Variants in MYO1H observed in about 807,000 individuals in gnomAD.
MYO1H encodes the protein myosin IH.
In MYO1H, 118 loss-of-function variants were observed where a neutral mutation model predicts 149.3. That is an observed-to-expected ratio of 0.79 (90% CI 0.68 to 0.92). The LOEUF (loss-of-function observed/expected upper bound fraction) is 0.92, where lower values mean the gene tolerates loss of function less well. MYO1H is among the 40% of genes least tolerant of loss of function. MYO1H has a pLI of 0.00. For synonymous variants in MYO1H, 447 were observed against 465.2 expected (o/e 0.96, Z 0.50); for missense variants, 1,212 against 1,280.7 (o/e 0.95, Z 0.82).
At chr12:109,400,125 G>A (rs1035693946) in intron 5 of MYO1H, among the ~76,000 whole-genome samples, 24 of 152,314 alleles carry the variant, frequency 1.6e-4, no homozygotes, top group African/African-American at 5.5e-4. Context: ...GCATGTAGCA[G>A]TTGTTCACTT....
At chr12:109,427,635 A>G (rs2135582204) in intron 19 of MYO1H, 49 bp downstream of exon 19, 1 of 1,302,994 alleles carries the variant, frequency 7.7e-7, no homozygotes, top group Non-Finnish European at 1.1e-6. Flanking sequence ...TGCCTACTAC[A>G]TGAGAATCTC....
intron 3 of MYO1H, 32 bp downstream of exon 3, chr12:109,393,478 G>A (rs1021079756): frequency 5.5e-6 from 8 of 1,450,738 alleles, no homozygotes; most frequent in Middle Eastern, 1.7e-4. Context: ...ATCACTAGGA[G>A]GATTTTTCTT....
intron 3 of MYO1H, among the ~76,000 whole-genome samples, chr12:109,395,502 G>A (rs563594545): frequency 1.3e-5 from 2 of 152,282 alleles, no homozygotes; most frequent in South Asian, 4.1e-4. Flanking sequence ...TTGGGAGGCT[G>A]AGGCAGGTGG....
chr12:109,410,108 T>C, intron 12 of MYO1H, 40 bp downstream of exon 12: 1 of 1,064,170 alleles, frequency 9.4e-7, no homozygotes. Context: ...GATTTCTTCA[T>C]CTAGCTAAAG....
chr12:109,388,701 A>T lies in MYO1H; in HGVS notation c.31A>T (p.Lys11Ter). 1 of 1,586,108 alleles carries T rather than the reference A, an allele frequency of 6.3e-7. No homozygotes were observed. Among genetic ancestry groups the T allele is most frequent in the Non-Finnish European group, 8.6e-7 (1 of 1,164,908 alleles). ...CCCGTAGAAAGAAGACGTGAGGAGG[A>T]AACACATCCGTCTGCACATGGAAGG... The change falls in exon 2 of 32, where the codon AAA becomes TAA. Residue 11 changes from lysine (K) to a stop codon, truncating the protein, a stop_gained. Coordinates refer to ENST00000310903, the Ensembl canonical transcript of MYO1H. LOFTEE classifies it high-confidence loss of function.
chr12:109,377,465 G>A (rs1360343868), intron 1 of MYO1H, among the ~76,000 whole-genome samples: 1 of 152,132 alleles, frequency 6.6e-6, no homozygotes, highest in Non-Finnish European at 1.5e-5. Context: ...CTGAGGGAGG[G>A]CATTAATTTA....
the MYO1H span, among the ~76,000 whole-genome samples, chr12:109,318,979 T>TTTTTTTTTG: frequency 1.4e-5 from 2 of 141,044 alleles, no homozygotes; most frequent in African/African-American, 5.4e-5. Context: ...TTTGTTTTTT[T>TTTTTTTTTG]TTTTTTTTTT....
chr12:109,360,051 A>C lies in MYO1H; in HGVS notation c.12+12079A>C, dbSNP rs796396797. On this transcript the variant is annotated intron_variant, in intron 1 of 31. Coordinates refer to ENST00000310903, the Ensembl canonical transcript of MYO1H. The stretch of plus-strand genomic sequence containing the variant: ...GGAGCCTATTTCTTAGGAACAAGCA[A>C]GAGGTCCCAGGAATGGGTAGCTGGC... Among the ~76,000 whole-genome samples the C allele has an allele frequency of 3.7e-4, 57 of 152,168 alleles. 1 individual carries two copies. The highest frequency in any genetic ancestry group is 1.3e-3 in the African/African-American group (55 of 41,524).
chr12:109,427,612 G>A lies in MYO1H; in HGVS notation c.1949+26G>A, dbSNP rs578008112. 19 of 1,496,716 alleles carry A rather than the reference G, an allele frequency of 1.3e-5. No individual in the cohort carries two copies. In the South Asian group the frequency reaches 2.1e-4, roughly 17 times the overall value. The allele number at this position is 1,496,716 out of a possible 1,614,324, so 92.7% of individuals were successfully genotyped here. Reference sequence around the variant, plus strand: ...GTAAAATGTGCTTTATTGATCTGAAGCCAATAGTCATGTGCCTACTACATG... The same window carrying A: ...GTAAAATGTGCTTTATTGATCTGAAACCAATAGTCATGTGCCTACTACATG... On this transcript the variant is annotated intron_variant, in intron 19 of 31. Coordinates refer to ENST00000310903, the Ensembl canonical transcript of MYO1H.
At chr12:109,369,636 A>G (rs1868941059) in intron 1 of MYO1H, among the ~76,000 whole-genome samples, 1 of 152,230 alleles carries the variant, frequency 6.6e-6, no homozygotes, top group Non-Finnish European at 1.5e-5. Context: ...CATGGGAACC[A>G]AGAAGTTACC....
At chr12:109,341,768 C>A in the MYO1H span, among the ~76,000 whole-genome samples, 1 of 152,102 alleles carries the variant, frequency 6.6e-6, no homozygotes, top group East Asian at 1.9e-4. Flanking sequence ...GTACTGGCTA[C>A]CTTGGGCTGA....
chr12:109,375,926 C>T (rs1284951723), intron 1 of MYO1H, among the ~76,000 whole-genome samples: 2 of 152,160 alleles, frequency 1.3e-5, no homozygotes, highest in African/African-American at 4.8e-5. Flanking sequence ...CTACAGTAAT[C>T]TATAATAGCA....
the MYO1H span, among the ~76,000 whole-genome samples, chr12:109,324,186 G>C: frequency 6.6e-6 from 1 of 152,164 alleles, no homozygotes; most frequent in East Asian, 1.9e-4. Flanking sequence ...TAAAGGATGA[G>C]GTCAACTGAC....
chr12:109,376,816 C>T (rs1189478923), intron 1 of MYO1H, among the ~76,000 whole-genome samples: 1 of 152,150 alleles, frequency 6.6e-6, no homozygotes, highest in East Asian at 1.9e-4. Context: ...TCAGAAACAG[C>T]TTGTCAAGTT....
At chr12:109,338,897 AT>A in the MYO1H span, among the ~76,000 whole-genome samples, 2 of 151,958 alleles carry the variant, frequency 1.3e-5, no homozygotes, top group Non-Finnish European at 2.9e-5. Flanking sequence ...CTTGAAGTGA[AT>A]TGATAAAGTC....
At chr12:109,319,259 A>G in the MYO1H span, among the ~76,000 whole-genome samples, 1 of 152,184 alleles carries the variant, frequency 6.6e-6, no homozygotes, top group Admixed American at 6.5e-5. Context: ...TAACAAGGAA[A>G]TTCAGGCACG....
chr12:109,329,425 T>C, the MYO1H span, among the ~76,000 whole-genome samples: 1 of 152,140 alleles, frequency 6.6e-6, no homozygotes, highest in Non-Finnish European at 1.5e-5. Flanking sequence ...TTTCTCTCTC[T>C]TGGGCTTAGG....
At chr12:109,388,003 C>T (rs1482115754) in intron 1 of MYO1H, among the ~76,000 whole-genome samples, 1 of 152,168 alleles carries the variant, frequency 6.6e-6, no homozygotes, top group Non-Finnish European at 1.5e-5. Context: ...TGGGCTGTAG[C>T]CACACCTTCT....
intron 1 of MYO1H, among the ~76,000 whole-genome samples, chr12:109,384,607 G>A (rs1161417682): frequency 6.6e-6 from 1 of 152,178 alleles, no homozygotes; most frequent in African/African-American, 2.4e-5. Context: ...AAGGAATCGA[G>A]GTGTCAGAAC....
Sources: allele counts gnomAD v4.1 joint callset (sites outside exome capture counted in the v4.1 genomes callset), GRCh38; gene constraint gnomAD v4.1.1; transcripts MANE v1.5; gene names NCBI Gene and HGNC (gene_info 2026-07-23, HGNC 2026-07-21).